Variants in KLHL32 observed in about 807,000 individuals in gnomAD.
KLHL32 encodes the protein kelch like family member 32.
In KLHL32, 35 loss-of-function variants were observed where a neutral mutation model predicts 64.8. That is an observed-to-expected ratio of 0.54 (90% confidence interval 0.41 to 0.72). The LOEUF (loss-of-function observed/expected upper bound fraction) is 0.72, where lower values mean the gene tolerates loss of function less well. KLHL32 is among the 30% of genes least tolerant of loss of function. KLHL32 has a pLI of 0.00. For missense variants in KLHL32, 589 were observed against 768.5 expected (o/e 0.77, Z 2.76); for synonymous variants, 259 against 281.0 (o/e 0.92, Z 0.78).
At chr6:96,998,806 TCA>T (rs1225728179) in intron 3 of KLHL32, among the ~76,000 whole-genome samples, 1 of 152,226 alleles carries the variant, frequency 6.6e-6, no homozygotes, top group East Asian at 1.9e-4. Flanking sequence ...CATGTGTTGA[TCA>T]CAGAGGCACC....
chr6:96,973,250 T>G (rs1229839739), intron 2 of KLHL32, among the ~76,000 whole-genome samples: 1 of 152,194 alleles, frequency 6.6e-6, no homozygotes, highest in Non-Finnish European at 1.5e-5. Context: ...AAATTTCAGT[T>G]TACAGCTGCT....
the KLHL32 span, among the ~76,000 whole-genome samples, chr6:96,918,410 G>T: frequency 6.6e-6 from 1 of 152,182 alleles, no homozygotes; most frequent in Non-Finnish European, 1.5e-5. Flanking sequence ...GGAAACATTA[G>T]TTAAATTTGA....
chr6:96,933,495 G>T (rs937954743), intron 1 of KLHL32, among the ~76,000 whole-genome samples: 1 of 152,150 alleles, frequency 6.6e-6, no homozygotes, highest in African/African-American at 2.4e-5. Context: ...TCACATCAGT[G>T]GCCAACTGTT....
At chr6:96,985,239 C>A (rs762607540) in intron 3 of KLHL32, among the ~76,000 whole-genome samples, 4 of 152,198 alleles carry the variant, frequency 2.6e-5, no homozygotes, top group Non-Finnish European at 5.9e-5. Context: ...GCCAAGAGAT[C>A]AGCTGTTAGT....
chr6:96,921,394 C>T (rs554311834), upstream of KLHL32, among the ~76,000 whole-genome samples: 40 of 152,262 alleles, frequency 2.6e-4, no homozygotes, highest in Non-Finnish European at 4.7e-4. Flanking sequence ...GGCGCTGGCT[C>T]CTGATGAATA....
intron 1 of KLHL32, among the ~76,000 whole-genome samples, chr6:96,947,286 C>T (rs571069639): frequency 3.9e-5 from 6 of 152,338 alleles, no homozygotes; most frequent in East Asian, 1.9e-4. Flanking sequence ...CTGAAGCTCA[C>T]GCTGCACAGC....
chr6:96,938,899 AT>A (rs1436003669), intron 1 of KLHL32, among the ~76,000 whole-genome samples: 3 of 152,120 alleles, frequency 2.0e-5, no homozygotes, highest in African/African-American at 7.2e-5. Flanking sequence ...GTTGACTGTT[AT>A]GATATTCTAA....
chr6:97,032,478 C>T (rs1282650845), intron 3 of KLHL32, among the ~76,000 whole-genome samples: 1 of 152,168 alleles, frequency 6.6e-6, no homozygotes, highest in East Asian at 1.9e-4. Context: ...ATCCTGATTA[C>T]TTTTGAAAGA....
the KLHL32 span, among the ~76,000 whole-genome samples, chr6:96,905,699 ATTC>A: frequency 6.6e-6 from 1 of 152,344 alleles, no homozygotes; most frequent in Non-Finnish European, 1.5e-5. Flanking sequence ...ATTAGCTATT[ATTC>A]TTTTATATAA....
chr6:96,951,779 T>C (rs1772651556), intron 1 of KLHL32, among the ~76,000 whole-genome samples: 1 of 152,216 alleles, frequency 6.6e-6, no homozygotes, highest in Non-Finnish European at 1.5e-5. Context: ...ACCAGTGTTA[T>C]ATAAAGAGTC....
chr6:97,131,800 T>C (rs969642276), intron 9 of KLHL32, among the ~76,000 whole-genome samples: 18 of 152,302 alleles, frequency 1.2e-4, no homozygotes, highest in Middle Eastern at 3.4e-3. Context: ...ATTGAGCTCC[T>C]GTTTTTGCAA....
rs1798980129 is a variant in KLHL32 at position 97,127,348 on chromosome 6, TG to T, written c.1355-54del. On this transcript the variant is annotated intron_variant, in intron 7 of 10. Transcript: ENST00000369261. ...CTTTAATTGTATCTCATTCTTATGTTGGAATATCCTATTTTTTATTCATGAA... is the reference window on the plus strand; with the variant it reads ...CTTTAATTGTATCTCATTCTTATGTTGAATATCCTATTTTTTATTCATGAA... 4 of 1,392,936 alleles carry T rather than the reference TG, an allele frequency of 2.9e-6. No individual in the cohort carries two copies. In the Admixed American group the frequency reaches 6.8e-5, roughly 24 times the overall value. The allele number at this position is 1,392,936 out of a possible 1,614,324, so 86.3% of individuals were successfully genotyped here.
intron 3 of KLHL32, among the ~76,000 whole-genome samples, chr6:96,979,881 C>CAG (rs1349837483): frequency 6.6e-6 from 1 of 151,826 alleles, no homozygotes; most frequent in Non-Finnish European, 1.5e-5. Context: ...TTTACCTCTC[C>CAG]GGTTGGCTGT....
intron 3 of KLHL32, among the ~76,000 whole-genome samples, chr6:97,000,034 G>A (rs1374585974): frequency 6.6e-6 from 1 of 152,202 alleles, no homozygotes; most frequent in Non-Finnish European, 1.5e-5. Flanking sequence ...TTTTACTTGG[G>A]TGGTAGAAAA....
At chr6:96,985,980 G>GT (rs1777004604) in intron 3 of KLHL32, among the ~76,000 whole-genome samples, 1 of 152,134 alleles carries the variant, frequency 6.6e-6, no homozygotes, top group Non-Finnish European at 1.5e-5. Flanking sequence ...TCTCTGCTCT[G>GT]TTTTTTCCCT....
At chr6:97,113,746 T>G (rs757297372) in intron 6 of KLHL32, 37 bp from the exon 7 acceptor site, 6 of 1,593,308 alleles carry the variant, frequency 3.8e-6, no homozygotes, top group African/African-American at 2.7e-5. Context: ...CTTTCTTACC[T>G]TTGTGTCTCC....
At chr6:96,997,258 C>G (rs1277035249) in intron 3 of KLHL32, among the ~76,000 whole-genome samples, 1 of 152,114 alleles carries the variant, frequency 6.6e-6, no homozygotes, top group Non-Finnish European at 1.5e-5. Context: ...TGTTTGTACC[C>G]TAGAACCCAC....
chr6:96,971,259 G>C (rs546981751), intron 2 of KLHL32, among the ~76,000 whole-genome samples: 1 of 152,288 alleles, frequency 6.6e-6, no homozygotes, highest in Admixed American at 6.5e-5. Context: ...CCATATAGCT[G>C]TTTTCGGAAT....
intron 1 of KLHL32, among the ~76,000 whole-genome samples, chr6:96,929,866 A>T (rs1439884723): frequency 6.6e-6 from 1 of 152,222 alleles, no homozygotes; most frequent in Non-Finnish European, 1.5e-5. Flanking sequence ...TGAAAGCTGT[A>T]AATTTGTCTA....
Sources: gnomAD v4.1 joint callset for allele counts (sites outside exome capture counted in the v4.1 genomes callset) on GRCh38, gnomAD v4.1.1 for gene constraint, MANE v1.5 for transcripts, NCBI Gene and HGNC (gene_info 2026-07-23, HGNC 2026-07-21) for gene names.